The following TMPRSS12 variants were observed in gnomAD, a reference collection of about 807,000 sequenced individuals.
The protein encoded by TMPRSS12 is transmembrane protease serine 12.
A neutral mutation model predicts 26.0 loss-of-function variants in TMPRSS12; 25 were observed. The ratio of observed to expected loss-of-function variants is 0.96; its 90% CI spans 0.70 to 1.34. The LOEUF is 1.34. Ranked by LOEUF, TMPRSS12 falls within the 40% of genes most tolerant of loss-of-function variation. TMPRSS12 has a pLI of 0.00. For synonymous variants in TMPRSS12, 150 were observed against 161.7 expected (o/e 0.93, Z 0.55); for missense variants, 441 against 440.1 (o/e 1.00, Z -0.02).
chr12:50,885,733 G>A, intron 4 of TMPRSS12: 2 of 498,386 alleles, frequency 4.0e-6, no homozygotes, highest in Non-Finnish European at 7.0e-6. Context: ...TCTGTTCACT[G>A]CAACCTCTGC....
chr12:50,880,980 T>C (rs1938158667), intron 3 of TMPRSS12, among the ~76,000 whole-genome samples: 5 of 118,810 alleles, frequency 4.2e-5, no homozygotes. Flanking sequence ...TTTTTTTTTT[T>C]TTTTTTTTTT....
chr12:50,876,803 C>CAAAAAAAA (rs35311314), intron 3 of TMPRSS12, among the ~76,000 whole-genome samples: 2 of 75,320 alleles, frequency 2.7e-5, no homozygotes, highest in Non-Finnish European at 2.4e-5. Flanking sequence ...GACTCTGTCT[C>CAAAAAAAA]AAAAAAAAAA....
intron 2 of TMPRSS12, among the ~76,000 whole-genome samples, chr12:50,858,481 A>G (rs1044533628): frequency 1.3e-5 from 2 of 152,170 alleles, no homozygotes; most frequent in African/African-American, 4.8e-5. Context: ...TTCTCTTTTC[A>G]AACAGCTAGT....
intron 3 of TMPRSS12, among the ~76,000 whole-genome samples, chr12:50,878,067 T>G (rs1436539374): frequency 6.6e-6 from 1 of 152,184 alleles, no homozygotes; most frequent in Non-Finnish European, 1.5e-5. Flanking sequence ...GAAGACTCAA[T>G]GTTGTTAATA....
intron 3 of TMPRSS12, among the ~76,000 whole-genome samples, chr12:50,883,921 G>GA (rs1938198919): frequency 6.6e-6 from 1 of 152,132 alleles, no homozygotes; most frequent in South Asian, 2.1e-4. Context: ...AGGATTGCTT[G>GA]AGCCCAGGAG....
At chr12:50,881,998 AATATATATATATATATATATATATAT>A (rs1565938081) in intron 3 of TMPRSS12, among the ~76,000 whole-genome samples, 70 of 30,586 alleles carry the variant, frequency 2.3e-3, no homozygotes, top group Admixed American at 4.2e-3. Flanking sequence ...AAAAAAAAAA[AATATATATATATATATATATATATAT>A]ATATATATAT....
intron 2 of TMPRSS12, among the ~76,000 whole-genome samples, chr12:50,858,403 C>A (rs985380062): frequency 6.6e-6 from 1 of 152,134 alleles, no homozygotes; most frequent in Non-Finnish European, 1.5e-5. Context: ...TAGATTTGTA[C>A]ATTTAAATAT....
At chr12:50,868,079 AC>A (rs1241277584) in intron 3 of TMPRSS12, among the ~76,000 whole-genome samples, 2 of 152,186 alleles carry the variant, frequency 1.3e-5, no homozygotes, top group Non-Finnish European at 1.5e-5. Context: ...AAAAGCATAA[AC>A]AAAAAATCGA....
intron 4 of TMPRSS12, 62 bp from the exon 5 acceptor site, chr12:50,887,200 G>A: frequency 1.3e-6 from 2 of 1,500,156 alleles, no homozygotes; most frequent in South Asian, 1.3e-5. Context: ...ATTTATTCCA[G>A]TGTTACTGTT....
At chr12:50,872,504 A>T (rs1938055318) in intron 3 of TMPRSS12, among the ~76,000 whole-genome samples, 2 of 117,162 alleles carry the variant, frequency 1.7e-5, no homozygotes, top group African/African-American at 3.4e-5. Flanking sequence ...TGGGCGACAG[A>T]GCGAGACTCC....
intron 2 of TMPRSS12, among the ~76,000 whole-genome samples, chr12:50,852,083 C>A (rs1937831308): frequency 6.6e-6 from 1 of 152,156 alleles, no homozygotes; most frequent in African/African-American, 2.4e-5. Context: ...CATTACCAGC[C>A]ACCACAAAAA....
intron 3 of TMPRSS12, among the ~76,000 whole-genome samples, chr12:50,870,711 T>C (rs1096032): frequency 0.38 from 57,669 of 151,740 alleles, 11,071 homozygotes; most frequent in Admixed American, 0.43. Flanking sequence ...CCCTAAAGAC[T>C]CCTCCAGAAA....
intron 4 of TMPRSS12, chr12:50,885,681 A>C (rs1467896332): frequency 3.4e-6 from 2 of 582,356 alleles, no homozygotes; most frequent in Non-Finnish European, 6.0e-6. Flanking sequence ...TATTTGAGAT[A>C]GTCTCGCTTT....
At chr12:50,870,849 T>C (rs113030072) in intron 3 of TMPRSS12, among the ~76,000 whole-genome samples, 6,342 of 99,376 alleles carry the variant, frequency 0.064, 477 homozygotes, top group African/African-American at 0.18. Context: ...TCATGATAGT[T>C]GCAAAAAAAA....
intron 3 of TMPRSS12, among the ~76,000 whole-genome samples, chr12:50,877,556 T>C (rs1328916535): frequency 6.6e-6 from 1 of 152,252 alleles, no homozygotes; most frequent in Non-Finnish European, 1.5e-5. Context: ...ATAAACTATC[T>C]GAAAACAAAA....
chr12:50,847,065 T>G (rs1276543293), intron 2 of TMPRSS12, among the ~76,000 whole-genome samples: 1 of 148,254 alleles, frequency 6.7e-6, no homozygotes, highest in African/African-American at 2.5e-5. Flanking sequence ...AACTTTTTTT[T>G]TTTTTTTTTT....
At chr12:50,859,751 A>C (rs1937917662) in intron 3 of TMPRSS12, among the ~76,000 whole-genome samples, 1 of 152,214 alleles carries the variant, frequency 6.6e-6, no homozygotes, top group Non-Finnish European at 1.5e-5. Flanking sequence ...TGTGTAGCCT[A>C]GAAGTAACAG....
chr12:50,870,906 TACAGGGAAAACTACAAAAC>T (rs1938036757), intron 3 of TMPRSS12, among the ~76,000 whole-genome samples: 1 of 149,618 alleles, frequency 6.7e-6, no homozygotes, highest in Non-Finnish European at 1.5e-5. Flanking sequence ...AAAAGACCTC[TACAGGGAAAACTACAAAAC>T]ACTGCTGAAA....
intron 2 of TMPRSS12, among the ~76,000 whole-genome samples, chr12:50,851,607 C>T (rs1462474170): frequency 1.3e-5 from 2 of 152,158 alleles, no homozygotes; most frequent in African/African-American, 4.8e-5. Context: ...GAGCAAGAAA[C>T]TTGGAAAACC....
Sources: allele counts gnomAD v4.1 joint callset (sites outside exome capture counted in the v4.1 genomes callset), GRCh38; gene constraint gnomAD v4.1.1; transcripts MANE v1.5; gene names NCBI Gene and HGNC (gene_info 2026-07-23, HGNC 2026-07-21).